The following VTI1A variants were observed in gnomAD, a reference collection of about 807,000 sequenced individuals.
VTI1A encodes the protein vesicle transport through interaction with t-SNAREs homolog 1A.
In VTI1A, 22 loss-of-function variants were observed where a neutral mutation model predicts 34.9. The observed-to-expected ratio is 0.63, with a 90% CI of 0.45 to 0.90. VTI1A has a LOEUF of 0.90. Ranked by LOEUF, VTI1A falls within the 40% of genes least tolerant of loss-of-function variation. The probability of loss-of-function intolerance (pLI) is 0.00; values close to 1 mark genes in which losing one functional copy is unlikely to be tolerated. For synonymous variants in VTI1A, 87 were observed against 97.3 expected, an observed-to-expected ratio of 0.89 and a Z score of 0.62; for missense variants, 268 against 275.6, an observed-to-expected ratio of 0.97 and a Z score of 0.20.
intron 5 of VTI1A, among the ~76,000 whole-genome samples, chr10:112,638,821 C>CTT (rs772004875): frequency 8.7e-6 from 1 of 115,138 alleles, no homozygotes; most frequent in Non-Finnish European, 1.8e-5. Context: ...ACAGGTTGGG[C>CTT]TTTTTTTTTT....
chr10:112,744,388 C>T (rs1013500115), intron 7 of VTI1A, among the ~76,000 whole-genome samples: 6 of 152,004 alleles, frequency 3.9e-5, no homozygotes, highest in Admixed American at 3.9e-4. Context: ...TGGTGTTCTA[C>T]CCCCAGATTC....
Position 112,465,776 on chromosome 10 carries a change from T to C in VTI1A, c.264+1119T>C, listed in dbSNP as rs577783150. ...TTTGCCAGACTGAAACTTACAAAAA[T>C]TTCTGGAGATTGGTTACTCAACAAT... On this transcript the variant is annotated intron_variant, in intron 3 of 7. Transcript: ENST00000393077. Among the ~76,000 whole-genome samples, 7 of 152,208 alleles carry C rather than the reference T, an allele frequency of 4.6e-5. No individual in the cohort carries two copies. The East Asian group carries it at 1.4e-3, about 29-fold the overall frequency.
intron 5 of VTI1A, among the ~76,000 whole-genome samples, chr10:112,568,157 G>A (rs77879734): frequency 6.6e-6 from 1 of 150,916 alleles, no homozygotes; most frequent in African/African-American, 2.4e-5. Flanking sequence ...TCTGGACAGA[G>A]AAAAAAAAAT....
chr10:112,511,323 A>G (rs917081695), intron 3 of VTI1A, among the ~76,000 whole-genome samples: 1 of 150,564 alleles, frequency 6.6e-6, no homozygotes, highest in East Asian at 2.0e-4. Context: ...GGCTCACTGC[A>G]ACCTCCGCCT....
At chr10:112,796,091 T>C (rs1852663600) in intron 7 of VTI1A, among the ~76,000 whole-genome samples, 1 of 151,920 alleles carries the variant, frequency 6.6e-6, no homozygotes, top group Admixed American at 6.6e-5. Flanking sequence ...AAGAAGCCAA[T>C]ATGGGGGATC....
chr10:112,453,140 G>T (rs1327916799), intron 1 of VTI1A, among the ~76,000 whole-genome samples: 1 of 152,142 alleles, frequency 6.6e-6, no homozygotes, highest in African/African-American at 2.4e-5. Flanking sequence ...TCCCTCAACT[G>T]GGATTTGCTC....
intron 5 of VTI1A, among the ~76,000 whole-genome samples, chr10:112,659,641 A>G (rs1461456352): frequency 2.0e-5 from 3 of 152,156 alleles, no homozygotes; most frequent in Admixed American, 6.5e-5. Context: ...GCAAAATAGA[A>G]TACATACTCA....
intron 7 of VTI1A, among the ~76,000 whole-genome samples, chr10:112,711,183 T>C (rs914347033): frequency 1.3e-5 from 2 of 152,248 alleles, no homozygotes; most frequent in African/African-American, 4.8e-5. Flanking sequence ...TAAAATATTT[T>C]ATCCTAATTA....
At chr10:112,721,148 T>C (rs1849793219) in intron 7 of VTI1A, among the ~76,000 whole-genome samples, 1 of 152,198 alleles carries the variant, frequency 6.6e-6, no homozygotes, top group Admixed American at 6.5e-5. Context: ...GAGTGGCAGA[T>C]TTTCTGATTC....
chr10:112,457,101 A>G (rs1847557466), intron 1 of VTI1A, among the ~76,000 whole-genome samples: 2 of 152,246 alleles, frequency 1.3e-5, no homozygotes, highest in Admixed American at 1.3e-4. Context: ...AGCAATGAAC[A>G]GTCTGTCTGT....
At chr10:112,733,286 A>G (rs1031422779) in intron 7 of VTI1A, among the ~76,000 whole-genome samples, 4 of 152,156 alleles carry the variant, frequency 2.6e-5, no homozygotes, top group Admixed American at 2.6e-4. Flanking sequence ...AAAGTATAGC[A>G]TGCAGTATAT....
At chr10:112,832,729 A>G in the VTI1A span, among the ~76,000 whole-genome samples, 3 of 152,226 alleles carry the variant, frequency 2.0e-5, no homozygotes, top group African/African-American at 7.2e-5. Flanking sequence ...GCGGAGCCTG[A>G]AATGACTCAT....
intron 5 of VTI1A, among the ~76,000 whole-genome samples, chr10:112,594,470 G>A (rs756800420): frequency 1.0e-3 from 154 of 152,036 alleles, no homozygotes; most frequent in Non-Finnish European, 1.9e-3. Context: ...AAAGTCTCAG[G>A]ATACAAAATC....
intron 7 of VTI1A, among the ~76,000 whole-genome samples, chr10:112,769,994 G>T (rs1183724672): frequency 1.3e-5 from 2 of 151,872 alleles, no homozygotes; most frequent in African/African-American, 4.8e-5. Context: ...ATCTTTTGGA[G>T]TTTCCAGAAT....
chr10:112,787,101 G>T (rs1288666295), intron 7 of VTI1A, among the ~76,000 whole-genome samples: 2 of 152,004 alleles, frequency 1.3e-5, no homozygotes, highest in Non-Finnish European at 2.9e-5. Context: ...GTCTATTCAG[G>T]TATTCTATGT....
At chr10:112,724,810 C>A (rs981873041) in intron 7 of VTI1A, among the ~76,000 whole-genome samples, 51 of 145,236 alleles carry the variant, frequency 3.5e-4, no homozygotes, top group Admixed American at 5.5e-4. Context: ...GAAAAAAAAA[C>A]AAAAACCTTT....
chr10:112,592,622 A>G (rs1008776906), intron 5 of VTI1A, among the ~76,000 whole-genome samples: 2 of 152,188 alleles, frequency 1.3e-5, no homozygotes, highest in African/African-American at 2.4e-5. Flanking sequence ...TTACATCCAC[A>G]TATTATTTGA....
intron 7 of VTI1A, chr10:112,752,693 T>C (rs1851142768): frequency 2.2e-6 from 1 of 447,592 alleles, no homozygotes; most frequent in Non-Finnish European, 3.0e-6. Context: ...CTTAGGAAAC[T>C]ATGGATTGTT....
intron 5 of VTI1A, among the ~76,000 whole-genome samples, chr10:112,542,072 A>G (rs1168605874): frequency 6.6e-6 from 1 of 152,052 alleles, no homozygotes; most frequent in Non-Finnish European, 1.5e-5. Flanking sequence ...GAGGTCAGGG[A>G]CTTAATACTC....
Sources: gnomAD v4.1 joint callset for allele counts (sites outside exome capture counted in the v4.1 genomes callset) on GRCh38, gnomAD v4.1.1 for gene constraint, MANE v1.5 for transcripts, NCBI Gene and HGNC (gene_info 2026-07-23, HGNC 2026-07-21) for gene names.